Variants in ZNF236 observed in about 807,000 individuals in gnomAD.
ZNF236 encodes regulated by glucose.
A neutral mutation model predicts 191.2 loss-of-function variants in ZNF236; 50 were observed. The observed-to-expected ratio is 0.26, with a 90% confidence interval of 0.21 to 0.33. The LOEUF (loss-of-function observed/expected upper bound fraction) is 0.33, where lower values mean the gene tolerates loss of function less well. ZNF236 is among the 10% of genes least tolerant of loss of function. The pLI, the probability that ZNF236 is intolerant of heterozygous loss-of-function variation, is 1.00. For synonymous variants in ZNF236, 907 were observed against 928.8 expected (o/e 0.98, Z 0.43); for missense variants, 1,754 against 2,374.5 (o/e 0.74, Z 5.43).
intron 9 of ZNF236, 31 bp from the exon 10 acceptor site, chr18:76,894,982 G>A: frequency 6.2e-7 from 1 of 1,601,774 alleles, no homozygotes; most frequent in South Asian, 1.1e-5. Flanking sequence ...GGGTGTCCAG[G>A]CCAAGCGGGA....
At position 76,828,132 on chromosome 18, in the gene ZNF236, G is replaced by A. The variant is rs149194261; in HGVS notation, c.55+5470G>A. Among the ~76,000 whole-genome samples, 754 of 151,822 alleles carry A rather than the reference G, an allele frequency of 5.0e-3. 4 individuals are homozygous for A. The highest frequency in any genetic ancestry group is 0.017 in the African/African-American group (718 of 41,410). ...GATGAATTCAAGAGCCCAAGGGGAG[G>A]CACCACCAGTGTAAGCTAGGGGTAG... On this transcript the variant is annotated intron_variant, in intron 1 of 30. Coordinates refer to ENST00000320610, the MANE Select transcript of ZNF236 (RefSeq NM_001306089.2).
intron 3 of ZNF236, among the ~76,000 whole-genome samples, chr18:76,854,088 T>C (rs182534544): frequency 6.6e-6 from 1 of 152,098 alleles, no homozygotes; most frequent in African/African-American, 2.4e-5. Context: ...ATAAGAAATA[T>C]ATATGTGAGA....
intron 9 of ZNF236, chr18:76,886,132 G>A (rs1430681469): frequency 6.6e-6 from 1 of 152,130 alleles, no homozygotes; most frequent in African/African-American, 2.4e-5. Context: ...CGGCTGTCTT[G>A]TAAACAAATA....
chr18:76,945,033 A>G (rs1229535880), intron 26 of ZNF236, among the ~76,000 whole-genome samples: 8 of 146,822 alleles, frequency 5.4e-5, no homozygotes, highest in Non-Finnish European at 1.0e-4. Context: ...GATACAGAAT[A>G]TTTCCATCAT....
At chr18:76,867,142 T>C (rs1390041068) in intron 3 of ZNF236, among the ~76,000 whole-genome samples, 2 of 151,446 alleles carry the variant, frequency 1.3e-5, no homozygotes, top group Non-Finnish European at 2.9e-5. Context: ...GGTTTTGTGA[T>C]GTGATTTTGA....
chr18:76,867,007 C>G (rs1017183306), intron 3 of ZNF236, among the ~76,000 whole-genome samples: 2 of 152,108 alleles, frequency 1.3e-5, no homozygotes, highest in Non-Finnish European at 2.9e-5. Flanking sequence ...CCAACAAATG[C>G]CTGAGTAATA....
intron 19 of ZNF236, 151 bp downstream of exon 19, chr18:76,916,010 G>A (rs1015860784): frequency 1.5e-5 from 11 of 713,792 alleles, no homozygotes; most frequent in Non-Finnish European, 2.5e-5. Context: ...TTCTGATTAT[G>A]AAAGCCATAC....
At chr18:76,920,386 A>G (rs1055751444) in intron 20 of ZNF236, among the ~76,000 whole-genome samples, 3 of 152,062 alleles carry the variant, frequency 2.0e-5, no homozygotes, top group African/African-American at 7.2e-5. Context: ...CCTGGTCTCT[A>G]CTAAAAAATA....
intron 26 of ZNF236, among the ~76,000 whole-genome samples, chr18:76,947,192 T>G (rs1968285123): frequency 6.6e-6 from 1 of 152,254 alleles, no homozygotes; most frequent in Non-Finnish European, 1.5e-5. Context: ...CCAAGGCTCC[T>G]CCATGCTGTA....
At chr18:76,862,002 G>A (rs1487312349) in intron 3 of ZNF236, among the ~76,000 whole-genome samples, 4 of 151,986 alleles carry the variant, frequency 2.6e-5, no homozygotes, top group African/African-American at 4.8e-5. Flanking sequence ...TAGCTGGGAC[G>A]ACAGGCGCCC....
In ZNF236 at chr18:76,927,346, C is replaced by T; in HGVS notation, c.4243C>T (p.Pro1415Ser). 1 of 1,614,172 alleles carries T rather than the reference C, an allele frequency of 6.2e-7. No homozygotes were observed. Among genetic ancestry groups the T allele is most frequent in the Non-Finnish European group, 8.5e-7 (1 of 1,180,016 alleles). ...ATTGGCTCAGCAGCTCACGGGGGAG[C>T]CTGGCCTGGCCCCACAGAACAGCTC... ...NLLAQQLTGE[P>S]GLAPQNSSLQ... The change falls in exon 24 of 31, where the codon CCT (proline) becomes TCT (serine). Residue 1415 changes from proline to serine, a missense_variant. Transcript: ENST00000320610. This position sits in a 1 kb window ranked among gnomAD's most constrained non-coding sequence, Gnocchi z 5.4.
chr18:76,834,983 T>G (rs1371286782), intron 1 of ZNF236: 3 of 173,538 alleles, frequency 1.7e-5, no homozygotes, highest in Non-Finnish European at 3.6e-5. Flanking sequence ...TTTCTGTTTT[T>G]TTTTTTTTTT....
At chr18:76,950,884 C>T (rs759625453) in intron 27 of ZNF236, among the ~76,000 whole-genome samples, 1 of 152,204 alleles carries the variant, frequency 6.6e-6, no homozygotes, top group Non-Finnish European at 1.5e-5. Flanking sequence ...CATCCATGGG[C>T]TACAGTGTGG....
intron 30 of ZNF236, among the ~76,000 whole-genome samples, chr18:76,961,927 T>C (rs1321256487): frequency 6.6e-6 from 1 of 152,172 alleles, no homozygotes; most frequent in Admixed American, 6.5e-5. Flanking sequence ...TTGTTTTTTT[T>C]CTTACTGATT....
At position 76,928,074 on chromosome 18, in the gene ZNF236, G is replaced by T. The variant is rs201081178; in HGVS notation, c.4562G>T (p.Gly1521Val). ...AAGPTATSSS[G>V]SPQEITLTIS... Reference sequence around the variant, plus strand: ...GGGCCCACTGCCACGTCTTCCTCGGGGTCTCCACAGGAAATTACCCTGACT... The same window carrying T: ...GGGCCCACTGCCACGTCTTCCTCGGTGTCTCCACAGGAAATTACCCTGACT... The change falls in exon 25 of 31, where the codon GGG becomes GTG. Residue 1521 changes from glycine (G) to valine (V), a missense_variant. Physicochemically the swap from Gly to Val is moderately radical, Grantham distance 109. Around this residue, in one of 5 missense-constraint regions of ZNF236, gnomAD observed 606 missense variants for 761.5 expected, o/e 0.80. Transcript: ENST00000320610. 1.3e-5 allele frequency: 21 copies of T among 1,611,858 alleles called. No homozygotes were observed. Among genetic ancestry groups the T allele is most frequent in the Non-Finnish European group, 1.8e-5 (21 of 1,179,330 alleles).
At chr18:76,941,585 C>T (rs867079931) in intron 26 of ZNF236, among the ~76,000 whole-genome samples, 1 of 152,190 alleles carries the variant, frequency 6.6e-6, no homozygotes, top group African/African-American at 2.4e-5. Flanking sequence ...CTGCTGCCCC[C>T]CTCAGCCCTT....
At chr18:76,915,594 AG>A (rs1967334960) in intron 18 of ZNF236, 52 bp from the exon 19 acceptor site, 1 of 1,554,116 alleles carries the variant, frequency 6.4e-7, no homozygotes, top group Non-Finnish European at 8.9e-7. Flanking sequence ...TCTGGTTTTA[AG>A]GTAGTGAAAT....
At chr18:76,852,036 G>A in intron 3 of ZNF236, 97 bp downstream of exon 3, 1 of 1,287,180 alleles carries the variant, frequency 7.8e-7, no homozygotes, top group African/African-American at 1.5e-5. Flanking sequence ...TGTTTTGAAA[G>A]CCTTTTGTGT....
At chr18:76,855,435 T>A (rs1376692558) in intron 3 of ZNF236, among the ~76,000 whole-genome samples, 1 of 152,216 alleles carries the variant, frequency 6.6e-6, no homozygotes, top group African/African-American at 2.4e-5. Context: ...AGGGACATTC[T>A]ATGCCTATAC....
Sources: allele counts gnomAD v4.1 joint callset (sites outside exome capture counted in the v4.1 genomes callset), GRCh38; gene constraint gnomAD v4.1.1; regional missense constraint gnomAD v4.1.1; non-coding constraint Gnocchi (gnomAD v3.1); transcripts MANE v1.5; gene names NCBI Gene and HGNC (gene_info 2026-07-23, HGNC 2026-07-21).